Variants in CNTN4 observed in about 807,000 individuals in gnomAD.
CNTN4 encodes contactin-4.
Under a neutral mutation model 122.5 loss-of-function variants are expected in CNTN4, and 77 were observed. The ratio of observed to expected loss-of-function variants is 0.63; its 90% CI spans 0.52 to 0.76. The LOEUF (loss-of-function observed/expected upper bound fraction) is 0.76, where lower values mean the gene tolerates loss of function less well. Among genes scored for constraint, CNTN4 ranks in the 30% least tolerant of loss-of-function variants. The probability of loss-of-function intolerance (pLI) is 0.00; values close to 1 mark genes in which losing one functional copy is unlikely to be tolerated. For synonymous variants in CNTN4, 512 were observed against 447.0 expected, an observed-to-expected ratio of 1.15 and a Z score of -1.83; for missense variants, 1,256 against 1,259.1, an observed-to-expected ratio of 1.00 and a Z score of 0.04.
chr3:2,348,104 T>C (rs2044473081), intron 3 of CNTN4, among the ~76,000 whole-genome samples: 1 of 152,240 alleles, frequency 6.6e-6, no homozygotes, highest in Admixed American at 6.5e-5. Context: ...TGTTGTGAAC[T>C]CTGTGTTGTG....
At chr3:2,593,159 T>A (rs531774278) in intron 4 of CNTN4, among the ~76,000 whole-genome samples, 2 of 152,344 alleles carry the variant, frequency 1.3e-5, no homozygotes, top group East Asian at 3.9e-4. Context: ...ATTTTCTGAA[T>A]GTATGGAAAC....
intron 2 of CNTN4, among the ~76,000 whole-genome samples, chr3:2,285,812 C>T (rs1012671411): frequency 6.6e-6 from 1 of 152,016 alleles, no homozygotes; most frequent in Non-Finnish European, 1.5e-5. Context: ...TGTTTTATGG[C>T]CTGTATTTCA....
In CNTN4 at chr3:2,808,923, A is replaced by C. The variant is rs140373561; in HGVS notation, c.359-10563A>C. On this transcript the variant is annotated intron_variant, in intron 6 of 24. Coordinates refer to ENST00000418658, the MANE Select transcript of CNTN4 (RefSeq NM_175607.3). ...TGTGTCATGAGGACAAATACAAGAA[A>C]GTTCACCCTAGTCCAACAGGTCTCA... 3.8e-4 allele frequency among the ~76,000 whole-genome samples: 58 copies of C among 152,214 alleles called. No homozygotes were observed. In the East Asian group the frequency reaches 8.9e-3, roughly 23 times the overall value.
At chr3:2,392,422 T>C (rs1378336866) in intron 3 of CNTN4, among the ~76,000 whole-genome samples, 1 of 152,202 alleles carries the variant, frequency 6.6e-6, no homozygotes, top group Non-Finnish European at 1.5e-5. Flanking sequence ...TCCTACTCAT[T>C]ATGCCTTGTT....
intron 2 of CNTN4, among the ~76,000 whole-genome samples, chr3:2,187,111 G>A (rs2037307920): frequency 6.6e-6 from 1 of 152,138 alleles, no homozygotes; most frequent in Admixed American, 6.5e-5. Flanking sequence ...TGTATAAGGT[G>A]TAAGGAAGGG....
rs144082619 is a variant in CNTN4 at position 2,861,268 on chromosome 3, T to A, written c.455-5484T>A. ...GATCTTTCCATGGACTTATGCCATT[T>A]TTCCCTTTGCTCAGCACACTGATAA... is the stretch of plus-strand genomic sequence containing the variant. On this transcript the variant is annotated intron_variant, in intron 7 of 24. Coordinates refer to ENST00000418658, the MANE Select transcript of CNTN4 (RefSeq NM_175607.3). Among the ~76,000 whole-genome samples, 369 of 152,302 alleles carry A rather than the reference T, an allele frequency of 2.4e-3. 3 individuals carry two copies. Among genetic ancestry groups the A allele is most frequent in the African/African-American group, 8.4e-3 (349 of 41,572 alleles).
chr3:2,427,230 C>A lies in CNTN4; in HGVS notation c.-89+87997C>A, dbSNP rs1388072694. On this transcript the variant is annotated intron_variant, in intron 3 of 24. Transcript: ENST00000418658. ...ATTTAGTGCTATAAATTTCCCTCTA[C>A]ACACTGCTTTAAATGGGTGCCAGAG... 2.0e-5 allele frequency among the ~76,000 whole-genome samples: 3 copies of A among 152,298 alleles called. No individual in the cohort carries two copies. In the East Asian group the frequency reaches 5.8e-4, roughly 29 times the overall value.
chr3:2,397,630 G>A (rs562493550), intron 3 of CNTN4, among the ~76,000 whole-genome samples: 111 of 152,164 alleles, frequency 7.3e-4, no homozygotes, highest in African/African-American at 2.6e-3. Flanking sequence ...GTATAAAGAA[G>A]GAAGTAACAC....
At chr3:2,630,254 G>A (rs765574166) in intron 4 of CNTN4, among the ~76,000 whole-genome samples, 2 of 152,230 alleles carry the variant, frequency 1.3e-5, no homozygotes, top group South Asian at 2.1e-4. Context: ...GGCCAACATG[G>A]TGAAACCCCA....
Position 2,385,133 on chromosome 3 carries a change from A to G in CNTN4, c.-89+45900A>G, listed in dbSNP as rs2046198162. On this transcript the variant is annotated intron_variant, in intron 3 of 24. Coordinates refer to ENST00000418658, the MANE Select transcript of CNTN4 (RefSeq NM_175607.3). This position sits in a 1 kb window ranked among gnomAD's most constrained non-coding sequence, Gnocchi z 4.0. ...AGTGACCTGTTAAAAGTATAAACAT[A>G]TCATTTTCTACTTTAAACCATAATC... is the stretch of plus-strand genomic sequence containing the variant. Among the ~76,000 whole-genome samples, 1 of 152,172 alleles carries G rather than the reference A, an allele frequency of 6.6e-6. No homozygotes were observed. Among genetic ancestry groups the G allele is most frequent in the African/African-American group, 2.4e-5 (1 of 41,450 alleles).
At chr3:3,031,152 T>C (rs1024715566) in intron 16 of CNTN4, among the ~76,000 whole-genome samples, 177 bp downstream of exon 16, 9 of 152,206 alleles carry the variant, frequency 5.9e-5, no homozygotes, top group Non-Finnish European at 1.2e-4. Context: ...AGTTCCTCAG[T>C]GCGGCTTGTC....
chr3:2,622,063 C>T (rs531960182), intron 4 of CNTN4, among the ~76,000 whole-genome samples: 1 of 152,272 alleles, frequency 6.6e-6, no homozygotes, highest in South Asian at 2.1e-4. Context: ...ATTTCAGTTC[C>T]ATCTCTGTTT....
chr3:2,791,629 G>A (rs1048949763), intron 6 of CNTN4, among the ~76,000 whole-genome samples: 3 of 152,142 alleles, frequency 2.0e-5, no homozygotes, highest in African/African-American at 7.2e-5. Context: ...GATGCCTGAT[G>A]TATTACTTTT....
chr3:2,372,974 G>T (rs775241974), intron 3 of CNTN4, among the ~76,000 whole-genome samples: 8 of 152,182 alleles, frequency 5.3e-5, no homozygotes, highest in Non-Finnish European at 1.2e-4. Context: ...TTGAACCTGG[G>T]AGGCTGAGGT....
chr3:2,762,355 C>G (rs1305334883), intron 6 of CNTN4, among the ~76,000 whole-genome samples: 2 of 152,182 alleles, frequency 1.3e-5, no homozygotes, highest in African/African-American at 2.4e-5. Context: ...TTGATCCTCT[C>G]CTTCCTCCTA....
chr3:2,435,132 T>G (rs1028657667), intron 3 of CNTN4, among the ~76,000 whole-genome samples: 2 of 152,178 alleles, frequency 1.3e-5, no homozygotes, highest in Non-Finnish European at 2.9e-5. Flanking sequence ...TTCCCATGAT[T>G]GTGTGTATTA....
At chr3:2,806,059 G>A (rs960433997) in intron 6 of CNTN4, among the ~76,000 whole-genome samples, 9 of 152,130 alleles carry the variant, frequency 5.9e-5, no homozygotes, top group African/African-American at 2.2e-4. Flanking sequence ...CCACCAGCAG[G>A]CCTGGCTAAT....
intron 3 of CNTN4, among the ~76,000 whole-genome samples, chr3:2,484,907 G>A (rs1211035697): frequency 6.6e-6 from 1 of 152,176 alleles, no homozygotes; most frequent in Non-Finnish European, 1.5e-5. Context: ...GCGGGAAGGT[G>A]TGCGAGAGGC....
chr3:2,724,397 C>T (rs2088069988), intron 4 of CNTN4, among the ~76,000 whole-genome samples: 1 of 152,100 alleles, frequency 6.6e-6, no homozygotes, highest in African/African-American at 2.4e-5. Context: ...AGCCCTATCT[C>T]CTAAGAAACA....
Sources: allele counts gnomAD v4.1 joint callset (sites outside exome capture counted in the v4.1 genomes callset), GRCh38; gene constraint gnomAD v4.1.1; non-coding constraint Gnocchi (gnomAD v3.1); transcripts MANE v1.5; gene names NCBI Gene and HGNC (gene_info 2026-07-23, HGNC 2026-07-21).